The following DMGDH variants were observed in gnomAD, a reference collection of about 807,000 sequenced individuals.
DMGDH encodes the protein dimethylglycine dehydrogenase.
DMGDH carries 76 observed loss-of-function variants against 95.2 expected under a neutral mutation model. The observed-to-expected ratio is 0.80, with a 90% confidence interval of 0.66 to 0.97. The LOEUF (loss-of-function observed/expected upper bound fraction) is 0.97, where lower values mean the gene tolerates loss of function less well. Ranked by LOEUF, DMGDH falls within the 50% of genes least tolerant of loss-of-function variation. The pLI, the probability that DMGDH is intolerant of heterozygous loss-of-function variation, is 0.00. For missense variants in DMGDH, 987 were observed against 1,055.0 expected (o/e 0.94, Z 0.89); for synonymous variants, 345 against 377.6 (o/e 0.91, Z 1.00).
intron 7 of DMGDH, among the ~76,000 whole-genome samples, chr5:79,033,997 G>A (rs1027873201): frequency 2.0e-5 from 3 of 152,094 alleles, no homozygotes; most frequent in Non-Finnish European, 4.4e-5. Context: ...GAAAAGGCTC[G>A]GTGATCCTTG....
intron 9 of DMGDH, 37 bp downstream of exon 9, chr5:79,032,650 C>G: frequency 6.2e-7 from 1 of 1,613,852 alleles, no homozygotes; most frequent in Non-Finnish European, 8.5e-7. Context: ...TTTCACCCCT[C>G]GGTCAGAACC....
intron 14 of DMGDH, 86 bp from the exon 15 acceptor site, chr5:79,005,493 CT>C: frequency 1.3e-6 from 2 of 1,566,494 alleles, no homozygotes; most frequent in Non-Finnish European, 1.7e-6. Context: ...TTTGTCTTTC[CT>C]ATTTTCTCAC....
rs920098582 is a variant in DMGDH at position 79,021,298 on chromosome 5, ATTAT to A, written c.2250+2969_2250+2972del. On this transcript the variant is annotated intron_variant, in intron 14 of 15. Coordinates refer to ENST00000255189, the MANE Select transcript of DMGDH (RefSeq NM_013391.3). ...TCCCTACAGCTTTAGTTCCTGAAAT[ATTAT>A]TTGTTTCCAGGTTCATGAGATCTGA... 10 of 1,082,592 alleles carry A rather than the reference ATTAT, an allele frequency of 9.2e-6. No individual in the cohort carries two copies. In the African/African-American group the frequency reaches 1.6e-4, roughly 18 times the overall value. 67.1% of individuals were successfully genotyped at this position (1,082,592 alleles called of 1,614,324 possible). A position where few individuals can be genotyped will look rare whatever the true frequency, so the allele number is the denominator to read the frequency against.
intron 14 of DMGDH, among the ~76,000 whole-genome samples, chr5:79,023,303 G>A (rs192875757): frequency 2.0e-5 from 3 of 152,110 alleles, no homozygotes; most frequent in African/African-American, 7.2e-5. Context: ...AACAGTAGCC[G>A]CTGCTGCCCT....
Position 79,029,970 on chromosome 5 carries a change from A to G in DMGDH, c.1748T>C (p.Val583Ala). Reference protein sequence around the residue: ...PKGRVYAELTVSHQSPGEFLL... With the variant: ...PKGRVYAELTASHQSPGEFLL... Reference sequence around the variant, plus strand: ...AAACTCCCCAGGAGATTGGTGAGAAACAGTCAGCTCAGCATACACTCGACC... The same window carrying G: ...AAACTCCCCAGGAGATTGGTGAGAAGCAGTCAGCTCAGCATACACTCGACC... Residue 583 changes from valine to alanine, a missense_variant, in exon 11 of 16, where the codon GTT becomes GCT. Coordinates refer to ENST00000255189, the MANE Select transcript of DMGDH (RefSeq NM_013391.3). The G allele has an allele frequency of 6.2e-7, 1 of 1,614,094 alleles. No individual in the cohort carries two copies. The highest frequency in any genetic ancestry group is 8.5e-7 in the Non-Finnish European group (1 of 1,179,964).
Position 79,020,595 on chromosome 5 carries a change from C to T in DMGDH, c.2250+3676G>A, listed in dbSNP as rs180938277. 4.4e-5 allele frequency: 40 copies of T among 908,894 alleles called. No homozygotes were observed. The African/African-American group carries it at 6.1e-4, about 14-fold the overall frequency. 56.3% of individuals were successfully genotyped at this position (908,894 alleles called of 1,614,324 possible). ...TTTGGGTTGTTTTGTTTTTGGTTAT[C>T]GAACAGTTATGCTTTAAATATTTCT... On this transcript the variant is annotated intron_variant, in intron 14 of 15. Coordinates refer to ENST00000255189, the MANE Select transcript of DMGDH (RefSeq NM_013391.3).
chr5:79,042,594 C>A, intron 6 of DMGDH, 113 bp from the exon 7 acceptor site: 1 of 1,000,096 alleles, frequency 1.0e-6, no homozygotes, highest in African/African-American at 1.6e-5. Context: ...TAGGAAAGTA[C>A]TGCCATTTTT....
chr5:79,051,335 C>A lies in DMGDH; in HGVS notation c.697G>T (p.Glu233Ter). The A allele has an allele frequency of 6.2e-7, 1 of 1,614,206 alleles. No individual in the cohort carries two copies. The highest frequency in any genetic ancestry group is 8.5e-7 in the Non-Finnish European group (1 of 1,180,034). ...KARSDGTWDV[E>*]TPQGSMRANR... ...GCTCTCATAGACCCCTGTGGTGTTT[C>A]AACGTCCCATGTTCCATCTGACCTG... Residue 233 changes from glutamate to a stop codon, truncating the protein, a stop_gained, in exon 5 of 16, where the codon GAA becomes TAA. Transcript: ENST00000255189. LOFTEE classifies it high-confidence loss of function.
rs550626571 is a variant in DMGDH, at chr5:79,037,135, C to T, written c.1194-3727G>A. On this transcript the variant is annotated intron_variant, in intron 7 of 15. Transcript: ENST00000255189. ...CCATGACGGCTCTGTGATCTCAGAC[C>T]TCCAGCCTCCAGAACTGTGAGAAAG... Among the ~76,000 whole-genome samples the T allele has an allele frequency of 4.6e-5, 7 of 152,268 alleles. No homozygotes were observed. The East Asian group carries it at 1.4e-3, about 29-fold the overall frequency.
intron 13 of DMGDH, among the ~76,000 whole-genome samples, chr5:79,025,304 T>C (rs568074448): frequency 1.1e-4 from 16 of 152,164 alleles, no homozygotes; most frequent in Admixed American, 1.0e-3. Flanking sequence ...CTCCTGCTGC[T>C]TCATTCCTCG....
chr5:79,008,958 TCA>T (rs1753594683), intron 14 of DMGDH, among the ~76,000 whole-genome samples: 1 of 152,186 alleles, frequency 6.6e-6, no homozygotes, highest in African/African-American at 2.4e-5. Flanking sequence ...AAACTGAGGC[TCA>T]GTTACATGAC....
intron 15 of DMGDH, among the ~76,000 whole-genome samples, chr5:79,003,597 T>G (rs565614474): frequency 2.6e-5 from 4 of 152,198 alleles, no homozygotes; most frequent in African/African-American, 9.6e-5. Context: ...GTCAGTTGGC[T>G]TCACAGGCTC....
At chr5:79,066,585 C>T (rs1031799581) in intron 1 of DMGDH, among the ~76,000 whole-genome samples, 4 of 152,044 alleles carry the variant, frequency 2.6e-5, no homozygotes, top group South Asian at 2.1e-4. Context: ...TGAGCCACCA[C>T]GCCCGGCCAG....
rs1755281885 is a variant in DMGDH at position 79,063,711 on chromosome 5, C to A, written c.178G>T (p.Val60Phe). 3.1e-6 allele frequency: 5 copies of A among 1,614,218 alleles called. No individual in the cohort carries two copies. Among genetic ancestry groups the A allele is most frequent in the Non-Finnish European group, 4.2e-6 (5 of 1,180,034 alleles). The part of the protein sequence containing the change: ...AETVIIGGGC[V>F]GVSLAYHLAK... ...AGGTGATAAGCCAGACTCACACCAA[C>A]ACAGCCACCTCCAATTATCACTGTT... The change falls in exon 2 of 16, where the codon GTT (valine) becomes TTT (phenylalanine). Residue 60 changes from valine to phenylalanine, a missense_variant. By Grantham distance (50) the Val-to-Phe change is conservative. Transcript: ENST00000255189.
At chr5:79,009,857 A>G (rs1402260406) in intron 14 of DMGDH, among the ~76,000 whole-genome samples, 1 of 152,226 alleles carries the variant, frequency 6.6e-6, no homozygotes, top group East Asian at 1.9e-4. Flanking sequence ...ATTATTAATT[A>G]TAAATGAGAG....
chr5:79,038,865 AAAAC>A (rs1757963804), intron 7 of DMGDH, among the ~76,000 whole-genome samples: 2 of 152,280 alleles, frequency 1.3e-5, no homozygotes, highest in African/African-American at 2.4e-5. Context: ...TTGCAAGAAA[AAAAC>A]AAACAACCCC....
intron 9 of DMGDH, 101 bp from the exon 10 acceptor site, chr5:79,031,099 CGGGCAGCGGGGAG>C: frequency 7.7e-7 from 1 of 1,302,450 alleles, no homozygotes; most frequent in Non-Finnish European, 1.1e-6. Context: ...GAAAATCCTA[CGGGCAGCGGGGAG>C]TGGGACTATG....
At position 79,069,572 on chromosome 5, in the gene DMGDH, A is replaced by C; in HGVS notation, c.49T>G (p.Cys17Gly). Reference sequence around the variant, plus strand: ...CGCCCGGGGGAGCCCTGCAGCGGGCAGCTCCGCAGCAGGAGGCCCCGCAGC... The same window carrying C: ...CGCCCGGGGGAGCCCTGCAGCGGGCCGCTCCGCAGCAGGAGGCCCCGCAGC... ...QLLRGLLLRSCPLQGSPGRPR... is the reference protein window; with the variant it reads ...QLLRGLLLRSGPLQGSPGRPR... Residue 17 changes from cysteine to glycine, a missense_variant, in exon 1 of 16, where the codon TGC becomes GGC. Physicochemically the swap from Cys to Gly is radical, Grantham distance 159 (BLOSUM62 -3). Transcript: ENST00000255189. 2.2e-6 allele frequency: 3 copies of C among 1,349,314 alleles called. No individual in the cohort carries two copies. Among genetic ancestry groups the C allele is most frequent in the Non-Finnish European group, 2.9e-6 (3 of 1,051,512 alleles). 83.6% of individuals were successfully genotyped at this position (1,349,314 alleles called of 1,614,324 possible).
At chr5:79,051,545 G>C (rs1259052988) in intron 4 of DMGDH, 54 bp from the exon 5 acceptor site, 2 of 1,482,638 alleles carry the variant, frequency 1.3e-6, no homozygotes. Flanking sequence ...TTATTACTCA[G>C]TAAAAATATA....
Sources: gnomAD v4.1 joint callset for allele counts (sites outside exome capture counted in the v4.1 genomes callset) on GRCh38, gnomAD v4.1.1 for gene constraint, MANE v1.5 for transcripts, NCBI Gene and HGNC (gene_info 2026-07-23, HGNC 2026-07-21) for gene names.